Variants in ADAMTS12 observed in about 807,000 individuals in gnomAD.
The protein encoded by ADAMTS12 is ADAM metallopeptidase with thrombospondin type 1 motif 12.
Under a neutral mutation model 167.8 loss-of-function variants are expected in ADAMTS12, and 118 were observed. The ratio of observed to expected loss-of-function variants is 0.70; its 90% CI spans 0.61 to 0.82. The LOEUF (loss-of-function observed/expected upper bound fraction) is 0.82. ADAMTS12 is among the 40% of genes least tolerant of loss of function. The pLI is 0.00. For missense variants in ADAMTS12, 1,916 were observed against 1,998.8 expected (o/e 0.96, Z 0.79); for synonymous variants, 704 against 716.9 (o/e 0.98, Z 0.29).
At chr5:33,687,877 G>A (rs997285311) in intron 3 of ADAMTS12, among the ~76,000 whole-genome samples, 2 of 152,174 alleles carry the variant, frequency 1.3e-5, no homozygotes, top group African/African-American at 4.8e-5. Flanking sequence ...CTTTGGGTCA[G>A]GTGAGGGGCT....
chr5:33,533,295 G>A (rs919134370), intron 23 of ADAMTS12, among the ~76,000 whole-genome samples: 1 of 152,142 alleles, frequency 6.6e-6, no homozygotes, highest in Non-Finnish European at 1.5e-5. Context: ...ACACAACATA[G>A]AAGGGATTCT....
At chr5:33,604,021 G>A (rs1738308714) in intron 16 of ADAMTS12, among the ~76,000 whole-genome samples, 1 of 152,146 alleles carries the variant, frequency 6.6e-6, no homozygotes, top group African/African-American at 2.4e-5. Context: ...AGTGAATGCA[G>A]TTAATATAAG....
chr5:33,880,979 A>G (rs2111774088), intron 2 of ADAMTS12, 140 bp downstream of exon 2: 1 of 1,293,400 alleles, frequency 7.7e-7, no homozygotes, highest in Non-Finnish European at 1.1e-6. Context: ...CTCGCCAACC[A>G]CTTTGGAGGC....
intron 5 of ADAMTS12, among the ~76,000 whole-genome samples, chr5:33,664,536 A>G (rs993924321): frequency 6.6e-6 from 1 of 152,244 alleles, no homozygotes; most frequent in African/African-American, 2.4e-5. Flanking sequence ...AATGGCCAAC[A>G]GATACACATA....
intron 5 of ADAMTS12, among the ~76,000 whole-genome samples, chr5:33,678,479 G>A (rs1386116787): frequency 2.6e-5 from 4 of 152,198 alleles, no homozygotes; most frequent in African/African-American, 9.7e-5. Flanking sequence ...AGTTTTATGG[G>A]AGTCAATAAC....
At chr5:33,560,179 AC>A (rs974743168) in intron 20 of ADAMTS12, among the ~76,000 whole-genome samples, 16 of 152,344 alleles carry the variant, frequency 1.1e-4, no homozygotes, top group African/African-American at 3.8e-4. Flanking sequence ...GTGGGTTACC[AC>A]ATGTGGGTTA....
intron 3 of ADAMTS12, among the ~76,000 whole-genome samples, chr5:33,698,133 T>C (rs1218940631): frequency 6.6e-6 from 1 of 152,238 alleles, no homozygotes; most frequent in East Asian, 1.9e-4. Flanking sequence ...GTCTGGCTTT[T>C]TGAGAATTCA....
chr5:33,881,559 G>T, intron 1 of ADAMTS12, 79 bp from the exon 2 acceptor site: 3 of 1,489,416 alleles, frequency 2.0e-6, no homozygotes, highest in African/African-American at 1.6e-5. Flanking sequence ...GAACTTGAAT[G>T]CTAGCTTTTT....
At chr5:33,735,820 C>G (rs1276087508) in intron 3 of ADAMTS12, among the ~76,000 whole-genome samples, 1 of 152,144 alleles carries the variant, frequency 6.6e-6, no homozygotes, top group Non-Finnish European at 1.5e-5. Context: ...ATTGCTGGCT[C>G]CAAACCTCTG....
intron 14 of ADAMTS12, among the ~76,000 whole-genome samples, chr5:33,622,639 G>A (rs1213749893): frequency 2.0e-5 from 3 of 152,166 alleles, no homozygotes; most frequent in African/African-American, 7.2e-5. Flanking sequence ...GCGACAGGGC[G>A]AGACTCCGTC....
intron 14 of ADAMTS12, among the ~76,000 whole-genome samples, chr5:33,618,962 A>C (rs1739169111): frequency 6.6e-6 from 1 of 152,122 alleles, no homozygotes; most frequent in Admixed American, 6.5e-5. Context: ...TCCTTTCCAA[A>C]GAGTATTGGG....
At chr5:33,837,767 G>A (rs1273378285) in intron 2 of ADAMTS12, among the ~76,000 whole-genome samples, 2 of 152,180 alleles carry the variant, frequency 1.3e-5, no homozygotes, top group Admixed American at 1.3e-4. Flanking sequence ...TCCAATCACT[G>A]AGTTACTTAG....
chr5:33,700,596 A>G (rs964149100), intron 3 of ADAMTS12, among the ~76,000 whole-genome samples: 2 of 152,186 alleles, frequency 1.3e-5, no homozygotes, highest in Non-Finnish European at 2.9e-5. Context: ...TGGGGGCTGG[A>G]GCTGTTCAGT....
At chr5:33,734,076 A>G (rs1744285652) in intron 3 of ADAMTS12, among the ~76,000 whole-genome samples, 1 of 151,772 alleles carries the variant, frequency 6.6e-6, no homozygotes, top group Admixed American at 6.6e-5. Context: ...GATGTCTCTG[A>G]AAAAGCGCTG....
intron 16 of ADAMTS12, among the ~76,000 whole-genome samples, chr5:33,601,257 A>G (rs953499513): frequency 3.3e-5 from 5 of 152,028 alleles, no homozygotes; most frequent in African/African-American, 4.8e-5. Flanking sequence ...TCAAGCCTCA[A>G]TTTCCTTGTC....
intron 3 of ADAMTS12, among the ~76,000 whole-genome samples, chr5:33,716,465 A>G (rs1743619263): frequency 6.6e-6 from 1 of 152,244 alleles, no homozygotes; most frequent in East Asian, 1.9e-4. Flanking sequence ...GTATCTATCT[A>G]GCTCAGCAAT....
intron 3 of ADAMTS12, among the ~76,000 whole-genome samples, chr5:33,691,520 T>G (rs1437505074): frequency 6.6e-6 from 1 of 152,216 alleles, no homozygotes. Flanking sequence ...CTCCCTGGTC[T>G]TAAGGACAGT....
At chr5:33,853,285 G>T (rs572153372) in intron 2 of ADAMTS12, among the ~76,000 whole-genome samples, 1 of 152,308 alleles carries the variant, frequency 6.6e-6, no homozygotes, top group African/African-American at 2.4e-5. Flanking sequence ...AATGCTAGCT[G>T]TCATTGTCTG....
chr5:33,831,382 C>G lies in ADAMTS12; in HGVS notation c.489+49737G>C, dbSNP rs777626456. ...AGACTCCACCACTAAAACCACTCTA[C>G]TATACTGTCTCTTAAAGGATGGTGA... On this transcript the variant is annotated intron_variant, in intron 2 of 23. Coordinates refer to ENST00000504830, the MANE Select transcript of ADAMTS12 (RefSeq NM_030955.4). Among the ~76,000 whole-genome samples the G allele has an allele frequency of 5.9e-5, 9 of 152,314 alleles. No individual in the cohort carries two copies. The South Asian group carries it at 1.2e-3, about 21-fold the overall frequency.
Sources: gnomAD v4.1 joint callset for allele counts (sites outside exome capture counted in the v4.1 genomes callset) on GRCh38, gnomAD v4.1.1 for gene constraint, MANE v1.5 for transcripts, NCBI Gene and HGNC (gene_info 2026-07-23, HGNC 2026-07-21) for gene names.